TTC28: variants seen among roughly 807,000 people sequenced by gnomAD.
TTC28 encodes the protein tetratricopeptide repeat protein 28.
Under a neutral mutation model 198.0 loss-of-function variants are expected in TTC28, and 61 were observed. That is an observed-to-expected ratio of 0.31 (90% confidence interval 0.25 to 0.38). TTC28 has a LOEUF of 0.38. Ranked by LOEUF, TTC28 falls within the 10% of genes least tolerant of loss-of-function variation. TTC28 has a pLI of 1.00. For missense variants in TTC28, 2,678 were observed against 3,164.0 expected, an observed-to-expected ratio of 0.85 and a Z score of 3.69; for synonymous variants, 1,171 against 1,297.8, an observed-to-expected ratio of 0.90 and a Z score of 2.10.
chr22:28,013,850 C>A (rs898881255), intron 14 of TTC28, among the ~76,000 whole-genome samples: 1 of 152,154 alleles, frequency 6.6e-6, no homozygotes, highest in African/African-American at 2.4e-5. Context: ...CACTGATGCA[C>A]GGCCCCTACT....
chr22:28,482,085 G>T (rs1040734146), intron 2 of TTC28, among the ~76,000 whole-genome samples: 1 of 151,894 alleles, frequency 6.6e-6, no homozygotes, highest in South Asian at 2.1e-4. Flanking sequence ...AGTGTGTTCC[G>T]TGTCAATCAA....
chr22:28,309,693 T>TAGGGC (rs1391248011), intron 2 of TTC28, among the ~76,000 whole-genome samples: 1 of 152,224 alleles, frequency 6.6e-6, no homozygotes, highest in East Asian at 1.9e-4. Context: ...TGGGTGTCTC[T>TAGGGC]AGGGCAATGT....
chr22:28,501,785 G>A (rs1303867763), intron 2 of TTC28, among the ~76,000 whole-genome samples: 2 of 152,138 alleles, frequency 1.3e-5, no homozygotes, highest in Admixed American at 1.3e-4. Context: ...GGATAGGACA[G>A]GAGTCTTTTT....
At chr22:28,571,454 C>G (rs1704809442) in intron 2 of TTC28, among the ~76,000 whole-genome samples, 1 of 151,852 alleles carries the variant, frequency 6.6e-6, no homozygotes, top group African/African-American at 2.4e-5. Context: ...AAATCAAGAC[C>G]CCACCATAAA....
At chr22:28,485,321 T>G (rs2048302348) in intron 2 of TTC28, among the ~76,000 whole-genome samples, 1 of 152,194 alleles carries the variant, frequency 6.6e-6, no homozygotes, top group Non-Finnish European at 1.5e-5. Flanking sequence ...TCTATACATA[T>G]TATAAAATAA....
intron 5 of TTC28, among the ~76,000 whole-genome samples, chr22:28,249,818 A>T (rs571215767): frequency 6.6e-6 from 1 of 152,326 alleles, no homozygotes; most frequent in Non-Finnish European, 1.5e-5. Flanking sequence ...AAAATTCTTT[A>T]TCTATTTTAT....
chr22:28,576,770 ATACTGTTGCTCATAG>A (rs2050157870), intron 2 of TTC28, among the ~76,000 whole-genome samples: 1 of 152,012 alleles, frequency 6.6e-6, no homozygotes, highest in Non-Finnish European at 1.5e-5. Flanking sequence ...ATGTATTGGC[ATACTGTTGCTCATAG>A]TAGCCTCTAA....
intron 13 of TTC28, among the ~76,000 whole-genome samples, chr22:28,029,693 G>T (rs1471480033): frequency 1.3e-5 from 2 of 152,194 alleles, no homozygotes; most frequent in East Asian, 3.9e-4. Flanking sequence ...AGCCATTAAG[G>T]CCTATTTGGT....
chr22:28,105,647 A>T lies in TTC28; in HGVS notation c.2939T>A (p.Leu980His), dbSNP rs1207936288. 1 of 1,552,124 alleles carries T rather than the reference A, an allele frequency of 6.4e-7. No homozygotes were observed. The highest frequency in any genetic ancestry group is 2.0e-5 in the Admixed American group (1 of 50,996). ...LGNYEQAISC[L>H]ERQLNIARDM... Reference sequence around the variant, plus strand: ...TCTAGCAATGTTCAGCTGGCGTTCAAGGCAGGAAATGGCTTGTTCGTAATT... The same window carrying T: ...TCTAGCAATGTTCAGCTGGCGTTCATGGCAGGAAATGGCTTGTTCGTAATT... The change falls in exon 8 of 23, where the codon CTT becomes CAT. Residue 980 changes from leucine to histidine, a missense_variant. Transcript: ENST00000397906.
At chr22:28,580,281 C>A (rs2050216728) in intron 2 of TTC28, among the ~76,000 whole-genome samples, 1 of 152,134 alleles carries the variant, frequency 6.6e-6, no homozygotes, top group Admixed American at 6.5e-5. Flanking sequence ...AGGTACCATA[C>A]CATCTTTTAC....
In TTC28 at chr22:28,629,731, C is replaced by T. The variant is rs2051141699; in HGVS notation, c.202G>A (p.Ala68Thr). 3 of 1,551,558 alleles carry T rather than the reference C, an allele frequency of 1.9e-6. No individual in the cohort carries two copies. Among genetic ancestry groups the T allele is most frequent in the Non-Finnish European group, 2.6e-6 (3 of 1,147,012 alleles). ...GTGTGGAAATCTCCATCATGACAGG[C>T]CTGATTACTCTGACGAACTTTCTCA... The part of the protein sequence containing the change: ...FVEKVRQSNQ[A>T]CHDGDFHTAI... Residue 68 changes from alanine (A) to threonine (T), a missense_variant, in exon 2 of 23, where the codon GCC becomes ACC. Physicochemically the swap from Ala to Thr is moderately conservative, Grantham distance 58. Transcript: ENST00000397906.
intron 13 of TTC28, among the ~76,000 whole-genome samples, chr22:28,020,051 C>G (rs1938528905): frequency 6.6e-6 from 1 of 152,232 alleles, no homozygotes; most frequent in Admixed American, 6.5e-5. Context: ...CACAAAGCCA[C>G]CAGGCTGGTA....
At chr22:28,367,423 G>A (rs561528724) in intron 2 of TTC28, among the ~76,000 whole-genome samples, 4 of 151,840 alleles carry the variant, frequency 2.6e-5, no homozygotes, top group East Asian at 1.9e-4. Flanking sequence ...CAAAACTTAC[G>A]GGATACAGCA....
intron 5 of TTC28, among the ~76,000 whole-genome samples, chr22:28,211,980 A>T (rs1927009449): frequency 6.6e-6 from 1 of 152,168 alleles, no homozygotes; most frequent in Non-Finnish European, 1.5e-5. Flanking sequence ...ACTCACTCAA[A>T]ACCGCTCAAC....
rs528876204 is a variant in TTC28 at position 28,066,588 on chromosome 22, A to T, written c.3932+27492T>A. 1.4e-4 allele frequency among the ~76,000 whole-genome samples: 21 copies of T among 152,276 alleles called. No individual in the cohort carries two copies. The South Asian group carries it at 4.4e-3, about 32-fold the overall frequency. ...GAGCTCATACAGTATTGGTCTGTCC[A>T]GCAGGTTTTAAAAATGGTTCTTTAT... On this transcript the variant is annotated intron_variant, in intron 12 of 22. Coordinates refer to ENST00000397906, the MANE Select transcript of TTC28 (RefSeq NM_001145418.2).
At chr22:28,655,668 G>A (rs142073131) in intron 1 of TTC28, among the ~76,000 whole-genome samples, 2 of 152,148 alleles carry the variant, frequency 1.3e-5, no homozygotes, top group Non-Finnish European at 2.9e-5. Context: ...TCGTGACCAC[G>A]GTGCAACCCC....
intron 6 of TTC28, among the ~76,000 whole-genome samples, chr22:28,114,511 T>A (rs1206905549): frequency 1.3e-5 from 2 of 152,154 alleles, no homozygotes; most frequent in Non-Finnish European, 2.9e-5. Context: ...TGCAGGTGAC[T>A]ATTTATTAAT....
intron 12 of TTC28, among the ~76,000 whole-genome samples, chr22:28,090,508 A>G (rs1394830884): frequency 1.3e-5 from 2 of 152,204 alleles, no homozygotes; most frequent in Non-Finnish European, 2.9e-5. Flanking sequence ...TCTATAATAT[A>G]TAAACCTAGG....
chr22:28,439,330 T>C (rs1223287356), intron 2 of TTC28, among the ~76,000 whole-genome samples: 1 of 152,174 alleles, frequency 6.6e-6, no homozygotes, highest in Non-Finnish European at 1.5e-5. Flanking sequence ...AAAATCACTA[T>C]GGTTTTTTTT....
Sources: gnomAD v4.1 joint callset for allele counts (sites outside exome capture counted in the v4.1 genomes callset) on GRCh38, gnomAD v4.1.1 for gene constraint, MANE v1.5 for transcripts, NCBI Gene and HGNC (gene_info 2026-07-23, HGNC 2026-07-21) for gene names.